Variants in TMEM38B observed in about 807,000 individuals in gnomAD.
The protein encoded by TMEM38B is trimeric intracellular cation channel type B.
Under a neutral mutation model 28.7 loss-of-function variants are expected in TMEM38B, and 24 were observed. The ratio of observed to expected loss-of-function variants is 0.84; its 90% CI spans 0.61 to 1.18. TMEM38B has a LOEUF of 1.18. TMEM38B is among the 50% of genes most tolerant of loss of function. The pLI, the probability that TMEM38B is intolerant of heterozygous loss-of-function variation, is 0.00. For synonymous variants in TMEM38B, 131 were observed against 127.7 expected (o/e 1.03, Z -0.17); for missense variants, 380 against 350.9 (o/e 1.08, Z -0.66).
chr9:105,723,310 C>T (rs923609015), intron 4 of TMEM38B, among the ~76,000 whole-genome samples: 7 of 152,096 alleles, frequency 4.6e-5, no homozygotes, highest in Non-Finnish European at 8.8e-5. Context: ...CAGCCTAGAC[C>T]TCTTAGGCTC....
intron 4 of TMEM38B, among the ~76,000 whole-genome samples, chr9:105,747,606 TGCC>T (rs1837466377): frequency 6.6e-6 from 1 of 152,214 alleles, no homozygotes; most frequent in Admixed American, 6.5e-5. Context: ...AGTTATTTCT[TGCC>T]TTCTGCTAGC....
Position 105,694,557 on chromosome 9 carries a change from C to T in TMEM38B, c.-104C>T, listed in dbSNP as rs1249420316. On this transcript the variant is annotated 5_prime_UTR_variant, in exon 1 of 6. Transcript: ENST00000374692. Reference sequence around the variant, plus strand: ...CGCACGCGCGGAGCTGGAGCCGGCGCGGAGGAGCGGGCGGCCGCGGCTGTG... The same window carrying T: ...CGCACGCGCGGAGCTGGAGCCGGCGTGGAGGAGCGGGCGGCCGCGGCTGTG... 2 of 772,994 alleles carry T rather than the reference C, an allele frequency of 2.6e-6. No homozygotes were observed. The highest frequency in any genetic ancestry group is 3.3e-5 in the East Asian group (1 of 30,346). The allele number at this position is 772,994 out of a possible 1,614,324, so 47.9% of individuals were successfully genotyped here. A position where few individuals can be genotyped will look rare whatever the true frequency, so the allele number is the denominator to read the frequency against.
chr9:105,738,368 C>T (rs186690566), intron 4 of TMEM38B, among the ~76,000 whole-genome samples: 3 of 152,170 alleles, frequency 2.0e-5, no homozygotes, highest in East Asian at 3.9e-4. Flanking sequence ...GAGACAAGGT[C>T]TTTTCTTCCC....
intron 4 of TMEM38B, among the ~76,000 whole-genome samples, chr9:105,735,318 T>C (rs1487003971): frequency 6.6e-6 from 1 of 152,228 alleles, no homozygotes; most frequent in Non-Finnish European, 1.5e-5. Flanking sequence ...GATTGAAAGA[T>C]TTATATAGCA....
intron 4 of TMEM38B, among the ~76,000 whole-genome samples, chr9:105,742,814 T>C (rs1837253420): frequency 6.6e-6 from 1 of 152,214 alleles, no homozygotes; most frequent in African/African-American, 2.4e-5. Context: ...AAAACAGATA[T>C]AATTCCATGT....
intron 5 of TMEM38B, among the ~76,000 whole-genome samples, chr9:105,767,963 T>C (rs75947027): frequency 0.037 from 5,696 of 152,258 alleles, 162 homozygotes; most frequent in Non-Finnish European, 0.058. Context: ...TCCTGTACAA[T>C]GTTGAAGAGA....
chr9:105,705,326 A>G lies in TMEM38B; in HGVS notation c.113-271A>G, dbSNP rs7029124. Among the ~76,000 whole-genome samples, 31,753 of 152,118 alleles carry G rather than the reference A, an allele frequency of 0.21. 5,134 individuals carry two copies. The highest frequency in any genetic ancestry group is 0.46 in the East Asian group (2,390 of 5,164). On this transcript the variant is annotated intron_variant, in intron 1 of 5. Transcript: ENST00000374692. The stretch of plus-strand genomic sequence containing the variant: ...GTGAGAATATCGTTTATAATAATCC[A>G]TTACTAGGAAACTGGCAATGACAGC...
At chr9:105,700,311 C>G (rs913370025) in intron 1 of TMEM38B, among the ~76,000 whole-genome samples, 1 of 152,148 alleles carries the variant, frequency 6.6e-6, no homozygotes, top group South Asian at 2.1e-4. Context: ...ACTACCTTTT[C>G]TACACAATAA....
rs55724983 is a variant in TMEM38B at position 105,732,247 on chromosome 9, A to G, written c.542+9626A>G. 8.0e-3 allele frequency among the ~76,000 whole-genome samples: 1,225 copies of G among 152,210 alleles called. 5 individuals are homozygous for G. The highest frequency in any genetic ancestry group is 0.014 in the Middle Eastern group (4 of 294). On this transcript the variant is annotated intron_variant, in intron 4 of 5. Transcript: ENST00000374692. ...GGGTAGATTGCAAAAATTTTCTCCC[A>G]TTCTGTAGGTTGCCTGTTCACTCTG...
chr9:105,762,361 C>T (rs1838087691), intron 5 of TMEM38B, among the ~76,000 whole-genome samples: 1 of 150,396 alleles, frequency 6.6e-6, no homozygotes, highest in Non-Finnish European at 1.5e-5. Flanking sequence ...CACCCACTAA[C>T]TCATTATCTA....
intron 4 of TMEM38B, among the ~76,000 whole-genome samples, chr9:105,741,206 T>C (rs1245543609): frequency 2.0e-5 from 3 of 152,218 alleles, no homozygotes; most frequent in Non-Finnish European, 4.4e-5. Context: ...TGACTGATAC[T>C]GATTTTAAAT....
chr9:105,724,719 C>A (rs1411759090), intron 4 of TMEM38B, among the ~76,000 whole-genome samples: 1 of 151,672 alleles, frequency 6.6e-6, no homozygotes, highest in Non-Finnish European at 1.5e-5. Flanking sequence ...TTGAAAAATA[C>A]CCCTTTAAGT....
intron 2 of TMEM38B, among the ~76,000 whole-genome samples, chr9:105,706,414 G>A (rs999225528): frequency 6.6e-6 from 1 of 152,214 alleles, no homozygotes; most frequent in African/African-American, 2.4e-5. Flanking sequence ...GAATACAGGA[G>A]GATATTTATT....
intron 5 of TMEM38B, among the ~76,000 whole-genome samples, chr9:105,768,513 A>C (rs1826448380): frequency 1.3e-5 from 2 of 152,092 alleles, no homozygotes; most frequent in South Asian, 4.1e-4. Flanking sequence ...TGTTTGATAG[A>C]TTCACTAATG....
intron 5 of TMEM38B, among the ~76,000 whole-genome samples, chr9:105,751,201 T>G (rs751117741): frequency 2.0e-5 from 3 of 152,148 alleles, no homozygotes; most frequent in Non-Finnish European, 4.4e-5. Context: ...ATTGGGACTG[T>G]CTAGGCAGAC....
At chr9:105,745,521 C>T (rs7856126) in intron 4 of TMEM38B, among the ~76,000 whole-genome samples, 32,001 of 152,038 alleles carry the variant, frequency 0.21, 5,230 homozygotes, top group East Asian at 0.47. Context: ...CAAACATTTT[C>T]TCCCATTCTG....
At chr9:105,699,210 A>G (rs1835381370) in intron 1 of TMEM38B, among the ~76,000 whole-genome samples, 1 of 152,106 alleles carries the variant, frequency 6.6e-6, no homozygotes, top group Non-Finnish European at 1.5e-5. Flanking sequence ...CCTTTTTCAT[A>G]GTCAGAACTG....
In TMEM38B at chr9:105,709,983, GA is replaced by G. The variant is rs538321821; in HGVS notation, c.269+4232del. On this transcript the variant is annotated intron_variant, in intron 2 of 5. Transcript: ENST00000374692. ...AATTTATTATGGACCTATTACCCATGAATCAATATACGCTTATTCATATTTA... is the reference window on the plus strand; with the variant it reads ...AATTTATTATGGACCTATTACCCATGATCAATATACGCTTATTCATATTTA... Among the ~76,000 whole-genome samples, 352 of 152,306 alleles carry G rather than the reference GA, an allele frequency of 2.3e-3. 4 individuals carry two copies. The highest frequency in any genetic ancestry group is 0.021 in the Admixed American group (316 of 15,298).
chr9:105,776,280 A>C lies in TMEM38B; in HGVS notation c.*2200A>C, dbSNP rs1367266238. The C allele has an allele frequency of 1.3e-5, 2 of 152,124 alleles. No individual in the cohort carries two copies. Among genetic ancestry groups the C allele is most frequent in the East Asian group, 3.9e-4 (2 of 5,190 alleles). The allele number at this position is 152,124 out of a possible 1,614,324, so 9.4% of individuals were successfully genotyped here. ...CTCTCAAGTAAAACATGGCCAAATG[A>C]ATATCAAACTGGTTTATCAGATTAG... On this transcript the variant is annotated 3_prime_UTR_variant, in exon 6 of 6. Coordinates refer to ENST00000374692, the MANE Select transcript of TMEM38B (RefSeq NM_018112.3).
Sources: allele counts gnomAD v4.1 joint callset (sites outside exome capture counted in the v4.1 genomes callset), GRCh38; gene constraint gnomAD v4.1.1; transcripts MANE v1.5; gene names NCBI Gene and HGNC (gene_info 2026-07-23, HGNC 2026-07-21).